MGMT: variants seen among roughly 807,000 people sequenced by gnomAD.
The protein encoded by MGMT is O-6-methylguanine-DNA methyltransferase.
Under a neutral mutation model 15.9 loss-of-function variants are expected in MGMT, and 14 were observed. That is an observed-to-expected ratio of 0.88 (90% CI 0.58 to 1.37). MGMT has a LOEUF of 1.37. MGMT is among the 40% of genes most tolerant of loss of function. The pLI is 0.00. For synonymous variants in MGMT, 130 were observed against 118.2 expected, an observed-to-expected ratio of 1.10 and a Z score of -0.65; for missense variants, 282 against 268.1, an observed-to-expected ratio of 1.05 and a Z score of -0.36.
chr10:129,598,162 C>A (rs1031778141), intron 2 of MGMT, among the ~76,000 whole-genome samples: 4 of 152,176 alleles, frequency 2.6e-5, no homozygotes, highest in Non-Finnish European at 4.4e-5. Context: ...TCATGCCCAG[C>A]CTCAGGGTGG....
At chr10:129,498,773 C>T (rs970925942) in intron 1 of MGMT, among the ~76,000 whole-genome samples, 2 of 152,168 alleles carry the variant, frequency 1.3e-5, no homozygotes, top group Non-Finnish European at 2.9e-5. Context: ...CTCCAAGGAG[C>T]CTCTCTTCCT....
At chr10:129,490,226 T>TA (rs1564832840) in intron 1 of MGMT, among the ~76,000 whole-genome samples, 1 of 152,172 alleles carries the variant, frequency 6.6e-6, no homozygotes, top group Admixed American at 6.5e-5. Context: ...GAAAACTTTT[T>TA]AAAAATTATG....
At chr10:129,657,674 AACACACACACAC>A (rs60284981) in intron 2 of MGMT, among the ~76,000 whole-genome samples, 31 of 93,512 alleles carry the variant, frequency 3.3e-4, no homozygotes, top group Non-Finnish European at 4.4e-4. Context: ...CAGCTCCTCC[AACACACACACAC>A]ACACACACAC....
chr10:129,608,202 C>T (rs1368957467), intron 2 of MGMT, among the ~76,000 whole-genome samples: 3 of 152,192 alleles, frequency 2.0e-5, no homozygotes, highest in African/African-American at 7.2e-5. Context: ...TGTCATAATT[C>T]GTTCTCAGAT....
chr10:129,511,373 G>T (rs1845681826), intron 1 of MGMT, among the ~76,000 whole-genome samples: 1 of 150,602 alleles, frequency 6.6e-6, no homozygotes, highest in African/African-American at 2.5e-5. Context: ...TTCCTGTAAT[G>T]GGAACCCGTA....
chr10:129,698,392 A>G (rs973483253), intron 2 of MGMT, among the ~76,000 whole-genome samples: 1 of 152,176 alleles, frequency 6.6e-6, no homozygotes, highest in Admixed American at 6.5e-5. Context: ...TTAATAATGC[A>G]CAGTTGCCTA....
intron 3 of MGMT, among the ~76,000 whole-genome samples, chr10:129,745,322 G>A (rs1848681647): frequency 1.3e-5 from 2 of 152,076 alleles, no homozygotes; most frequent in African/African-American, 4.8e-5. Context: ...GTGTGTTTCT[G>A]TAACCACCCC....
intron 1 of MGMT, among the ~76,000 whole-genome samples, chr10:129,519,491 G>A (rs549473356): frequency 1.6e-4 from 25 of 152,304 alleles, no homozygotes; most frequent in African/African-American, 5.1e-4. Flanking sequence ...CCTCTGCTGC[G>A]TGGCCTTGCG....
chr10:129,661,206 T>A (rs1847593326), intron 2 of MGMT, among the ~76,000 whole-genome samples: 2 of 152,254 alleles, frequency 1.3e-5, no homozygotes, highest in Non-Finnish European at 2.9e-5. Context: ...ATTTAGTTTA[T>A]TTCCAACTTT....
intron 4 of MGMT, among the ~76,000 whole-genome samples, chr10:129,764,718 GGGTACCCGGAGTGATACCCGGA>G (rs1564788611): frequency 6.6e-6 from 1 of 152,208 alleles, no homozygotes; most frequent in Non-Finnish European, 1.5e-5. Context: ...TGATACCCGG[GGGTACCCGGAGTGATACCCGGA>G]GGTAGCCTGG....
chr10:129,628,014 T>G (rs1416832827), intron 2 of MGMT, among the ~76,000 whole-genome samples: 4 of 152,226 alleles, frequency 2.6e-5, no homozygotes, highest in African/African-American at 9.6e-5. Flanking sequence ...TGGCTGGTGT[T>G]TAAAACTCTA....
chr10:129,481,212 A>T (rs1402393267), intron 1 of MGMT, among the ~76,000 whole-genome samples: 1 of 152,198 alleles, frequency 6.6e-6, no homozygotes, highest in East Asian at 1.9e-4. Flanking sequence ...GGTGCCCTTT[A>T]GCAGATGGGG....
chr10:129,487,788 C>T (rs143065380), intron 1 of MGMT, among the ~76,000 whole-genome samples: 1 of 151,860 alleles, frequency 6.6e-6, no homozygotes, highest in East Asian at 1.9e-4. Flanking sequence ...CACTGCTAAC[C>T]ATGTAGGTGT....
intron 3 of MGMT, among the ~76,000 whole-genome samples, chr10:129,748,029 G>T (rs546192680): frequency 6.6e-6 from 1 of 152,124 alleles, no homozygotes; most frequent in Admixed American, 6.6e-5. Context: ...ACCTGGCTGG[G>T]TAGTGGTGTT....
At chr10:129,643,608 C>T (rs1255252751) in intron 2 of MGMT, among the ~76,000 whole-genome samples, 1 of 152,190 alleles carries the variant, frequency 6.6e-6, no homozygotes, top group Non-Finnish European at 1.5e-5. Context: ...GACCCTCAAG[C>T]CTGTGACTGT....
chr10:129,622,747 T>C (rs1376572150), intron 2 of MGMT, among the ~76,000 whole-genome samples: 3 of 152,146 alleles, frequency 2.0e-5, no homozygotes, highest in Non-Finnish European at 1.5e-5. Context: ...ATTAAGAATA[T>C]GATATTGTGA....
At chr10:129,731,529 G>T (rs1407850473) in intron 3 of MGMT, among the ~76,000 whole-genome samples, 1 of 151,614 alleles carries the variant, frequency 6.6e-6, no homozygotes, top group Non-Finnish European at 1.5e-5. Flanking sequence ...CAGTACAGCT[G>T]GGATTACAGG....
At chr10:129,489,183 A>G (rs1845442168) in intron 1 of MGMT, among the ~76,000 whole-genome samples, 1 of 151,892 alleles carries the variant, frequency 6.6e-6, no homozygotes. Flanking sequence ...ACATAGTGAA[A>G]CCCCATCTTT....
intron 2 of MGMT, among the ~76,000 whole-genome samples, chr10:129,672,184 A>G (rs1294570551): frequency 6.6e-6 from 1 of 152,188 alleles, no homozygotes; most frequent in Non-Finnish European, 1.5e-5. Context: ...CATTTGTTAT[A>G]GGGGTCTAGG....
Sources: gnomAD v4.1 joint callset for allele counts (sites outside exome capture counted in the v4.1 genomes callset) on GRCh38, gnomAD v4.1.1 for gene constraint, MANE v1.5 for transcripts, NCBI Gene and HGNC (gene_info 2026-07-23, HGNC 2026-07-21) for gene names.